HECW1: variants seen among roughly 807,000 people sequenced by gnomAD.
HECW1 encodes E3 ubiquitin-protein ligase HECW1.
HECW1 carries 61 observed loss-of-function variants against 182.3 expected under a neutral mutation model. The ratio of observed to expected loss-of-function variants is 0.33; its 90% CI spans 0.27 to 0.41. The LOEUF is 0.41. HECW1 is among the 10% of genes least tolerant of loss of function. The pLI is 1.00. For missense variants in HECW1, 1,739 were observed against 2,108.9 expected, an observed-to-expected ratio of 0.82 and a Z score of 3.44; for synonymous variants, 859 against 832.6, an observed-to-expected ratio of 1.03 and a Z score of -0.55.
intron 6 of HECW1, among the ~76,000 whole-genome samples, chr7:43,371,386 G>C (rs1817341574): frequency 6.6e-6 from 1 of 152,192 alleles, no homozygotes; most frequent in African/African-American, 2.4e-5. Context: ...GGGAGGCTGT[G>C]CGTGTGTGGG....
At chr7:43,143,669 T>A (rs757873618) in intron 2 of HECW1, among the ~76,000 whole-genome samples, 1 of 152,180 alleles carries the variant, frequency 6.6e-6, no homozygotes, top group African/African-American at 2.4e-5. Flanking sequence ...GGAACCCTTA[T>A]GCAGCTGCTG....
intron 2 of HECW1, among the ~76,000 whole-genome samples, chr7:43,137,877 A>G (rs892204482): frequency 1.3e-5 from 2 of 151,600 alleles, no homozygotes; most frequent in African/African-American, 4.9e-5. Context: ...TCACCTGTTT[A>G]GATCTTACTC....
At chr7:43,450,695 G>GAC (rs138588837) in intron 11 of HECW1, 133 bp from the exon 12 acceptor site, 72 of 631,226 alleles carry the variant, frequency 1.1e-4, no homozygotes, top group South Asian at 1.9e-4. Flanking sequence ...GTAGCAAACT[G>GAC]ACACACACAC....
chr7:43,559,848 C>T (rs748759555), intron 29 of HECW1, among the ~76,000 whole-genome samples: 35 of 152,254 alleles, frequency 2.3e-4, no homozygotes, highest in Admixed American at 6.5e-4. Flanking sequence ...AGATGACAAA[C>T]TAAGGGAGTT....
chr7:43,209,637 A>G (rs1795820679), intron 2 of HECW1, among the ~76,000 whole-genome samples: 1 of 152,186 alleles, frequency 6.6e-6, no homozygotes, highest in African/African-American at 2.4e-5. Context: ...CAGCCAGGCT[A>G]CAACTGGGTA....
At chr7:43,298,700 C>G (rs564048800) in intron 3 of HECW1, among the ~76,000 whole-genome samples, 142 of 152,290 alleles carry the variant, frequency 9.3e-4, no homozygotes, top group Non-Finnish European at 1.5e-3. Context: ...GTCTCACTTT[C>G]CTTTTAATAC....
At chr7:43,250,640 A>G (rs1302077606) in intron 3 of HECW1, among the ~76,000 whole-genome samples, 1 of 152,166 alleles carries the variant, frequency 6.6e-6, no homozygotes, top group Admixed American at 6.5e-5. Context: ...TCTGGGTACA[A>G]TCTAAAAACC....
Position 43,474,451 on chromosome 7 carries a change from A to AAAAT in HECW1, c.3100-5139_3100-5136dup, listed in dbSNP as rs571183399. The stretch of plus-strand genomic sequence containing the variant: ...GCGACAGAGCGAGACTCTGTCTCAA[A>AAAAT]AAATAAATAAATAAATAAATAAAAA... On this transcript the variant is annotated intron_variant, in intron 16 of 29. Transcript: ENST00000395891. Among the ~76,000 whole-genome samples, 824 of 152,256 alleles carry AAAAT rather than the reference A, an allele frequency of 5.4e-3. 4 individuals carry two copies. Among genetic ancestry groups the AAAAT allele is most frequent in the Non-Finnish European group, 9.5e-3 (645 of 68,020 alleles).
intron 24 of HECW1, among the ~76,000 whole-genome samples, chr7:43,521,274 G>A (rs182459047): frequency 9.2e-5 from 14 of 152,296 alleles, no homozygotes; most frequent in Non-Finnish European, 1.9e-4. Context: ...GAGAGAGTGA[G>A]TTTGCCCACT....
At chr7:43,332,254 A>G (rs1811594540) in intron 5 of HECW1, among the ~76,000 whole-genome samples, 1 of 152,220 alleles carries the variant, frequency 6.6e-6, no homozygotes, top group African/African-American at 2.4e-5. Context: ...CACTCTACAT[A>G]CAAAATGAAT....
At chr7:43,500,954 T>G (rs1381850776) in intron 20 of HECW1, among the ~76,000 whole-genome samples, 172 bp downstream of exon 20, 1 of 152,202 alleles carries the variant, frequency 6.6e-6, no homozygotes, top group Non-Finnish European at 1.5e-5. Flanking sequence ...ATCACAGTCC[T>G]TAGATTTGCA....
intron 17 of HECW1, among the ~76,000 whole-genome samples, chr7:43,489,243 C>T (rs1378017388): frequency 6.6e-6 from 1 of 152,160 alleles, no homozygotes; most frequent in African/African-American, 2.4e-5. Flanking sequence ...GCTGGTGGGT[C>T]TCTGAGAATC....
intron 24 of HECW1, among the ~76,000 whole-genome samples, chr7:43,530,289 G>A (rs1398698175): frequency 1.3e-5 from 2 of 151,780 alleles, no homozygotes; most frequent in African/African-American, 4.8e-5. Context: ...CTTTACTGCA[G>A]TAGATACAAA....
At chr7:43,528,455 G>A (rs1418573269) in intron 24 of HECW1, among the ~76,000 whole-genome samples, 1 of 152,154 alleles carries the variant, frequency 6.6e-6, no homozygotes, top group Admixed American at 6.5e-5. Flanking sequence ...GATACATTCA[G>A]TATTAACACA....
intron 6 of HECW1, among the ~76,000 whole-genome samples, chr7:43,366,318 C>T (rs1210943814): frequency 6.6e-6 from 1 of 152,142 alleles, no homozygotes; most frequent in Non-Finnish European, 1.5e-5. Flanking sequence ...CAGTCTGAGT[C>T]TCCTGCAGTG....
chr7:43,284,502 C>CAAAAAAAAA (rs1165081149), intron 3 of HECW1, among the ~76,000 whole-genome samples: 7 of 53,756 alleles, frequency 1.3e-4, no homozygotes, highest in East Asian at 7.1e-4. Context: ...CCCATTTCTA[C>CAAAAAAAAA]AAAAAAAAAA....
At chr7:43,529,406 G>A (rs1299084178) in intron 24 of HECW1, among the ~76,000 whole-genome samples, 2 of 152,076 alleles carry the variant, frequency 1.3e-5, no homozygotes, top group Non-Finnish European at 2.9e-5. Context: ...CCATGCCAGG[G>A]TAGTTTTCTA....
At chr7:43,160,333 T>G (rs968573778) in intron 2 of HECW1, among the ~76,000 whole-genome samples, 5 of 152,218 alleles carry the variant, frequency 3.3e-5, no homozygotes, top group Non-Finnish European at 7.3e-5. Flanking sequence ...CATTCTTTGG[T>G]CAGAGCTCTC....
At chr7:43,225,111 G>A (rs913562791) in intron 2 of HECW1, among the ~76,000 whole-genome samples, 5 of 152,164 alleles carry the variant, frequency 3.3e-5, no homozygotes, top group African/African-American at 1.2e-4. Context: ...GTTTGTCAGG[G>A]GCCTGGAGAT....
Sources: allele counts gnomAD v4.1 joint callset (sites outside exome capture counted in the v4.1 genomes callset), GRCh38; gene constraint gnomAD v4.1.1; transcripts MANE v1.5; gene names NCBI Gene and HGNC (gene_info 2026-07-23, HGNC 2026-07-21).